C12orf43: variants seen among roughly 807,000 people sequenced by gnomAD.
The protein encoded by C12orf43 is chromosome 12 open reading frame 43.
A neutral mutation model predicts 20.6 loss-of-function variants in C12orf43; 15 were observed. That is an observed-to-expected ratio of 0.73 (90% CI 0.49 to 1.12). The LOEUF is 1.12. Among genes scored for constraint, C12orf43 ranks in the 50% most tolerant of loss-of-function variants. The pLI is 0.00. For synonymous variants in C12orf43, 144 were observed against 130.8 expected, an observed-to-expected ratio of 1.10 and a Z score of -0.69; for missense variants, 334 against 344.4, an observed-to-expected ratio of 0.97 and a Z score of 0.24.
chr12:121,002,350 C>A lies in C12orf43; in HGVS notation c.*1803G>T, dbSNP rs575956854. 2.3e-5 allele frequency: 11 copies of A among 484,500 alleles called. No individual in the cohort carries two copies. Among genetic ancestry groups the A allele is most frequent in the African/African-American group, 1.7e-4 (9 of 52,124 alleles). The allele number at this position is 484,500 out of a possible 1,614,324, so 30.0% of individuals were successfully genotyped here. A position where few individuals can be genotyped will look rare whatever the true frequency, so the allele number is the denominator to read the frequency against. ...CCCAGGACAAGCATGGTCCCACATC[C>A]CTGGGCCTGCTGCTGAGAACCTGGC... On this transcript the variant is annotated 3_prime_UTR_variant, in exon 6 of 6. Coordinates refer to ENST00000288757, the MANE Select transcript of C12orf43 (RefSeq NM_022895.3).
chr12:121,002,254 G>GAAAGCCA lies in C12orf43; in HGVS notation c.*1898_*1899insTGGCTTT. On this transcript the variant is annotated 3_prime_UTR_variant, in exon 6 of 6. Transcript: ENST00000288757. ...GAAGCCTGGGGGCCTGGCTGGCTGAGGGCAGTTCGCAGCCACCCTGAGGAG... is the reference window on the plus strand; with the variant it reads ...GAAGCCTGGGGGCCTGGCTGGCTGAGAAAGCCAGGCAGTTCGCAGCCACCCTGAGGAG... 2.3e-6 allele frequency: 1 copy of GAAAGCCA among 440,852 alleles called. No individual in the cohort carries two copies. Among genetic ancestry groups the GAAAGCCA allele is most frequent in the South Asian group, 2.0e-5 (1 of 49,378 alleles). The allele number at this position is 440,852 out of a possible 1,614,324, so 27.3% of individuals were successfully genotyped here. A position where few individuals can be genotyped will look rare whatever the true frequency, so the allele number is the denominator to read the frequency against.
Position 121,016,368 on chromosome 12 carries a change from A to G in C12orf43, c.107T>C (p.Leu36Ser), listed in dbSNP as rs200444357. ...CCCTGCCACGTGCGGGCGTTGCTCC[A>G]AGCCCCAAGCCGGCATTGCCGCCTC... is the stretch of plus-strand genomic sequence containing the variant. ...CREAAMPAWG[L>S]EQRPHVAGKP... Residue 36 changes from leucine to serine, a missense_variant, in exon 1 of 6, where the codon TTG (leucine) becomes TCG (serine). Physicochemically the swap from Leu to Ser is moderately radical, Grantham distance 145 (BLOSUM62 -2). Coordinates refer to ENST00000288757, the MANE Select transcript of C12orf43 (RefSeq NM_022895.3). 5.6e-6 allele frequency: 9 copies of G among 1,613,806 alleles called. No homozygotes were observed. The highest frequency in any genetic ancestry group is 7.6e-6 in the Non-Finnish European group (9 of 1,180,016).
At chr12:121,013,928 T>C (rs1162555920) in intron 1 of C12orf43, among the ~76,000 whole-genome samples, 1 of 152,200 alleles carries the variant, frequency 6.6e-6, no homozygotes, top group Non-Finnish European at 1.5e-5. Context: ...TACACCCTCT[T>C]GTGGCATTGC....
chr12:121,014,907 G>A (rs1268113049), intron 1 of C12orf43, among the ~76,000 whole-genome samples: 1 of 151,968 alleles, frequency 6.6e-6, no homozygotes, highest in East Asian at 1.9e-4. Flanking sequence ...GGGGGAGGTC[G>A]AGGTTGCAGT....
At position 121,001,508 on chromosome 12, in the gene C12orf43, T is replaced by C. The variant is rs1877481262; in HGVS notation, c.*2645A>G. On this transcript the variant is annotated 3_prime_UTR_variant, in exon 6 of 6. Transcript: ENST00000288757. The stretch of plus-strand genomic sequence containing the variant: ...ACTTGGAACTGAAGGGGGCGGCCTA[T>C]GACTTGGGCACCCCCAGCCTGGGCC... 1 of 458,714 alleles carries C rather than the reference T, an allele frequency of 2.2e-6. No individual in the cohort carries two copies. The highest frequency in any genetic ancestry group is 4.1e-6 in the Non-Finnish European group (1 of 244,882). 28.4% of individuals were successfully genotyped at this position (458,714 alleles called of 1,614,324 possible).
In C12orf43 at chr12:121,004,103, G is replaced by A; in HGVS notation, c.*50C>T. ...GGAAATGCCTTGTCCCCAGGGTGGG[G>A]GGGACACCTTGTCCTTGGAGCTGGC... On this transcript the variant is annotated 3_prime_UTR_variant, in exon 6 of 6. Transcript: ENST00000288757. The surrounding 1 kb of genome is among the most constrained non-coding windows in gnomAD (Gnocchi z 5.6). 2 of 1,587,052 alleles carry A rather than the reference G, an allele frequency of 1.3e-6. No homozygotes were observed. The highest frequency in any genetic ancestry group is 1.7e-6 in the Non-Finnish European group (2 of 1,155,418).
In C12orf43 at chr12:121,007,931, T is replaced by C. The variant is rs113614275; in HGVS notation, c.288-1537A>G. On this transcript the variant is annotated intron_variant, in intron 3 of 5. Transcript: ENST00000288757. ...GGTGGCCATCAGGGGCATTTGGCAA[T>C]GTCTGGAGACATTTTTGGATGTCAC... is the stretch of plus-strand genomic sequence containing the variant. 1.4e-4 allele frequency among the ~76,000 whole-genome samples: 22 copies of C among 152,040 alleles called. 2 individuals are homozygous for C. The highest frequency in any genetic ancestry group is 5.3e-4 in the African/African-American group (22 of 41,492).
At chr12:121,007,815 C>A (rs1214544436) in intron 3 of C12orf43, among the ~76,000 whole-genome samples, 1 of 152,146 alleles carries the variant, frequency 6.6e-6, no homozygotes, top group Non-Finnish European at 1.5e-5. Context: ...AAGGTGCCCC[C>A]CAAGCCCTGT....
rs1868915026 is a variant in C12orf43 at position 121,016,317 on chromosome 12, CAT to C, written c.145+11_145+12del. ...ACGCCCCTCAGCCAGTCTCCCCAAA[CAT>C]AGTACCCTACCGGCTCTTGGCTTCC... On this transcript the variant is annotated intron_variant, in intron 1 of 5. Transcript: ENST00000288757. 1.2e-6 allele frequency: 2 copies of C among 1,613,476 alleles called. No individual in the cohort carries two copies. The highest frequency in any genetic ancestry group is 4.5e-5 in the East Asian group (2 of 44,886).
rs1045819255 is a variant in C12orf43 at position 121,002,282 on chromosome 12, T to G, written c.*1871A>C. 4.5e-6 allele frequency: 2 copies of G among 441,610 alleles called. No individual in the cohort carries two copies. Among genetic ancestry groups the G allele is most frequent in the Non-Finnish European group, 8.6e-6 (2 of 232,650 alleles). 27.4% of individuals were successfully genotyped at this position (441,610 alleles called of 1,614,324 possible). A position where few individuals can be genotyped will look rare whatever the true frequency, so the allele number is the denominator to read the frequency against. On this transcript the variant is annotated 3_prime_UTR_variant, in exon 6 of 6. Transcript: ENST00000288757. ...CAGTTCGCAGCCACCCTGAGGAGTC[T>G]GAGGTCCTGAGCACTGCCAGGAGGG...
At chr12:121,007,295 A>G (rs1412451152) in intron 3 of C12orf43, 1 of 152,216 alleles carries the variant, frequency 6.6e-6, no homozygotes, top group Non-Finnish European at 1.5e-5. Flanking sequence ...GCCTCGCTAT[A>G]GTACAACATC....
intron 1 of C12orf43, chr12:121,012,461 T>C (rs1868460926): frequency 1.4e-6 from 1 of 702,498 alleles, no homozygotes; most frequent in African/African-American, 1.7e-5. Flanking sequence ...TTGGCTGCTG[T>C]GCAGCGTGAG....
chr12:121,011,565 A>T (rs577036592), intron 1 of C12orf43, among the ~76,000 whole-genome samples: 1 of 152,090 alleles, frequency 6.6e-6, no homozygotes, highest in South Asian at 2.1e-4. Context: ...CTTCCCAACA[A>T]CCCGATTGGA....
chr12:121,011,936 G>A (rs1290718968), intron 1 of C12orf43, among the ~76,000 whole-genome samples: 2 of 152,310 alleles, frequency 1.3e-5, no homozygotes, highest in African/African-American at 2.4e-5. Context: ...CAACTTACTC[G>A]ACTATCACTG....
At chr12:121,013,394 A>G (rs1868584304) in intron 1 of C12orf43, among the ~76,000 whole-genome samples, 1 of 152,178 alleles carries the variant, frequency 6.6e-6, no homozygotes, top group African/African-American at 2.4e-5. Flanking sequence ...GATGCCGGGC[A>G]AGTCACTTTC....
In C12orf43 at chr12:121,004,178, C is replaced by G. The variant is rs1877768457; in HGVS notation, c.764G>C (p.Ser255Thr). 2.5e-6 allele frequency: 4 copies of G among 1,614,178 alleles called. No individual in the cohort carries two copies. The highest frequency in any genetic ancestry group is 3.4e-6 in the Non-Finnish European group (4 of 1,180,038). Reference protein sequence around the residue: ...SETSPFPPAKSATAIPAN With the variant: ...SETSPFPPAKTATAIPAN ...TCAGTTTGCAGGTATAGCTGTAGCA[C>G]TCTTTGCTGGTGGGAATGGAGAGGT... The change falls in exon 6 of 6, where the codon AGT (serine) becomes ACT (threonine). Residue 255 changes from serine to threonine, a missense_variant. Ser to Thr is a moderately conservative substitution (Grantham distance 58, BLOSUM62 1). Transcript: ENST00000288757. This position sits in a 1 kb window ranked among gnomAD's most constrained non-coding sequence, Gnocchi z 5.6.
At chr12:121,016,222 G>A (rs1407192872) in intron 1 of C12orf43, 108 bp downstream of exon 1, 6 of 1,542,272 alleles carry the variant, frequency 3.9e-6, no homozygotes, top group Non-Finnish European at 4.4e-6. Context: ...GAGGTCTCTC[G>A]GGGAAGGAAG....
In C12orf43 at chr12:121,002,610, C is replaced by T. The variant is rs1429960640; in HGVS notation, c.*1543G>A. ...TGCGAAGAGGAGACAGGCTCCAGCA[C>T]CCACGCTCTCACACCCCACATCTCT... On this transcript the variant is annotated 3_prime_UTR_variant, in exon 6 of 6. Transcript: ENST00000288757. 7 of 363,270 alleles carry T rather than the reference C, an allele frequency of 1.9e-5. No homozygotes were observed. The highest frequency in any genetic ancestry group is 3.7e-5 in the Non-Finnish European group (7 of 191,582). The allele number at this position is 363,270 out of a possible 1,614,324, so 22.5% of individuals were successfully genotyped here.
chr12:121,001,326 T>G lies in C12orf43; in HGVS notation c.*2827A>C. 2 of 1,096,852 alleles carry G rather than the reference T, an allele frequency of 1.8e-6. No individual in the cohort carries two copies. The highest frequency in any genetic ancestry group is 4.1e-5 in the Admixed American group (2 of 48,864). The allele number at this position is 1,096,852 out of a possible 1,614,324, so 67.9% of individuals were successfully genotyped here. On this transcript the variant is annotated 3_prime_UTR_variant, in exon 6 of 6. Transcript: ENST00000288757. ...TGGACAGCTGTGCCTCGCTCCCCAC[T>G]CTGCTCTGATGCATCAGAAAGGGAG... is the stretch of plus-strand genomic sequence containing the variant.
Sources: allele counts gnomAD v4.1 joint callset (sites outside exome capture counted in the v4.1 genomes callset), GRCh38; gene constraint gnomAD v4.1.1; non-coding constraint Gnocchi (gnomAD v3.1); transcripts MANE v1.5; gene names NCBI Gene and HGNC (gene_info 2026-07-23, HGNC 2026-07-21).